MYO18B: variants seen among roughly 807,000 people sequenced by gnomAD.
The protein encoded by MYO18B is myosin XVIIIB.
In MYO18B, 204 loss-of-function variants were observed where a neutral mutation model predicts 273.0. That is an observed-to-expected ratio of 0.75 (90% CI 0.67 to 0.84). The LOEUF (loss-of-function observed/expected upper bound fraction) is 0.84, where lower values mean the gene tolerates loss of function less well. MYO18B is among the 40% of genes least tolerant of loss of function. The pLI, the probability that MYO18B is intolerant of heterozygous loss-of-function variation, is 0.00. For synonymous variants in MYO18B, 1,330 were observed against 1,305.7 expected (o/e 1.02, Z -0.40); for missense variants, 3,212 against 3,287.6 (o/e 0.98, Z 0.56).
intron 28 of MYO18B, chr22:25,897,595 A>G (rs1280785126): frequency 1.3e-5 from 2 of 152,252 alleles, no homozygotes; most frequent in Admixed American, 6.5e-5. Context: ...GCAGCAGAAT[A>G]TAAGAGAACA....
chr22:25,839,431 G>T (rs2145975083), intron 17 of MYO18B, among the ~76,000 whole-genome samples: 2 of 152,302 alleles, frequency 1.3e-5, no homozygotes, highest in South Asian at 4.1e-4. Context: ...CACACAGGCT[G>T]GGGTGTGAGA....
chr22:25,839,002 GTA>G (rs1002693905), intron 17 of MYO18B, among the ~76,000 whole-genome samples: 4 of 151,722 alleles, frequency 2.6e-5, no homozygotes, highest in African/African-American at 7.3e-5. Context: ...GTGCCTGTGT[GTA>G]TATGTGTGTG....
At chr22:26,004,511 C>G (rs1249020221) in intron 41 of MYO18B, among the ~76,000 whole-genome samples, 1 of 152,186 alleles carries the variant, frequency 6.6e-6, no homozygotes, top group Non-Finnish European at 1.5e-5. Flanking sequence ...GTGACCTTGG[C>G]CAAGACCCAA....
intron 43 of MYO18B, among the ~76,000 whole-genome samples, chr22:26,028,978 C>A (rs1036592673): frequency 2.0e-5 from 3 of 151,940 alleles, no homozygotes; most frequent in Non-Finnish European, 2.9e-5. Flanking sequence ...CTCCTGATAT[C>A]CCCAAGCAGT....
chr22:25,911,902 G>T (rs1459165018), intron 33 of MYO18B, among the ~76,000 whole-genome samples: 1 of 152,180 alleles, frequency 6.6e-6, no homozygotes, highest in Non-Finnish European at 1.5e-5. Flanking sequence ...TGCTGCTGCT[G>T]CATGAAATCC....
intron 39 of MYO18B, among the ~76,000 whole-genome samples, chr22:25,982,683 A>G (rs991490226): frequency 5.3e-5 from 8 of 151,538 alleles, no homozygotes; most frequent in African/African-American, 1.9e-4. Context: ...TTTCTCCCCC[A>G]CTGACCCCCT....
In MYO18B at chr22:25,828,912, C is replaced by T. The variant is rs2089598122; in HGVS notation, c.2923C>T (p.Leu975=). The part of the protein sequence containing the change: ...ELCHNYAHER[L]QLLFYQRTFV... ...GTGCCACAACTACGCCCATGAGCGC[C>T]TGCAGCTGCTGTTCTACCAGCGGAC... Residue 975 remains leucine, a synonymous_variant, in exon 15 of 44, where the codon CTG becomes TTG. Coordinates refer to ENST00000335473, the MANE Select transcript of MYO18B (RefSeq NM_032608.7). 1.9e-6 allele frequency: 3 copies of T among 1,614,040 alleles called. No individual in the cohort carries two copies. Among genetic ancestry groups the T allele is most frequent in the Non-Finnish European group, 2.5e-6 (3 of 1,179,898 alleles).
Position 26,027,329 on chromosome 22 carries a change from A to G in MYO18B, c.7355A>G (p.Gln2452Arg), listed in dbSNP as rs1936331831. The G allele has an allele frequency of 1.2e-6, 2 of 1,613,896 alleles. No homozygotes were observed. The highest frequency in any genetic ancestry group is 1.7e-6 in the Non-Finnish European group (2 of 1,179,882). ...TTCCTCCCAGCTATCCGGAAGCCCC[A>G]GACACCTACCTCCTTGGCTGGATCA... ...DDFLPAIRKP[Q>R]TPTSLAGSAK... Residue 2452 changes from glutamine (Q) to arginine (R), a missense_variant, in exon 43 of 44, where the codon CAG becomes CGG. Coordinates refer to ENST00000335473, the MANE Select transcript of MYO18B (RefSeq NM_032608.7). This position sits in a 1 kb window ranked among gnomAD's most constrained non-coding sequence, Gnocchi z 4.1.
At chr22:25,843,938 C>A in intron 18 of MYO18B, 44 bp downstream of exon 18, 3 of 1,569,538 alleles carry the variant, frequency 1.9e-6, no homozygotes, top group East Asian at 2.3e-5. Flanking sequence ...GCATTGGAGG[C>A]ACTGTGTTTT....
chr22:25,799,357 C>T (rs921978643), intron 12 of MYO18B, among the ~76,000 whole-genome samples: 8 of 152,190 alleles, frequency 5.3e-5, no homozygotes, highest in East Asian at 3.9e-4. Context: ...CACCTCCTCA[C>T]CTCAAAAGCT....
intron 31 of MYO18B, among the ~76,000 whole-genome samples, chr22:25,904,414 T>A (rs1193943065): frequency 2.0e-5 from 3 of 152,314 alleles, no homozygotes; most frequent in Non-Finnish European, 4.4e-5. Flanking sequence ...GATCTTAGTA[T>A]TATCCCCACT....
At chr22:25,955,973 A>G (rs57416037) in intron 39 of MYO18B, among the ~76,000 whole-genome samples, 4,592 of 152,284 alleles carry the variant, frequency 0.03, 206 homozygotes, top group African/African-American at 0.1. Context: ...TCTGAAGGAA[A>G]CATTTCTCGT....
intron 12 of MYO18B, among the ~76,000 whole-genome samples, chr22:25,815,160 G>A (rs1021815896): frequency 3.3e-5 from 5 of 152,232 alleles, no homozygotes; most frequent in Non-Finnish European, 1.5e-5. Context: ...CCAGGAAATA[G>A]CTTTAAAGGG....
At chr22:25,866,780 G>A (rs867293032) in intron 21 of MYO18B, among the ~76,000 whole-genome samples, 11 of 102,414 alleles carry the variant, frequency 1.1e-4, no homozygotes, top group East Asian at 3.0e-4. Context: ...GCGAGACTCC[G>A]TCTCAAAAAA....
chr22:25,984,448 T>C (rs1455854451), intron 39 of MYO18B, among the ~76,000 whole-genome samples: 1 of 152,182 alleles, frequency 6.6e-6, no homozygotes, highest in Non-Finnish European at 1.5e-5. Context: ...TATAAATATC[T>C]TCTTTGAGGA....
intron 21 of MYO18B, among the ~76,000 whole-genome samples, chr22:25,857,913 A>G (rs1334218686): frequency 1.3e-5 from 2 of 152,266 alleles, no homozygotes; most frequent in African/African-American, 4.8e-5. Context: ...TTGGTCTACC[A>G]AAGTGATGGG....
Position 25,947,489 on chromosome 22 carries a change from C to CACACACAG in MYO18B, c.5632-216_5632-215insGACACACA, listed in dbSNP as rs1290309621. The stretch of plus-strand genomic sequence containing the variant: ...TCATAGTCACATGTAATGCCTAATA[C>CACACACAG]ACACACACACACACACACACACACA... On this transcript the variant is annotated intron_variant, in intron 35 of 43. Transcript: ENST00000335473. 5.7e-3 allele frequency among the ~76,000 whole-genome samples: 270 copies of CACACACAG among 47,368 alleles called. 2 individuals carry two copies. Among genetic ancestry groups the CACACACAG allele is most frequent in the African/African-American group, 0.024 (257 of 10,792 alleles). The allele number at this position is 47,368 out of a possible 152,430, so 31.1% of individuals were successfully genotyped here.
chr22:25,765,944 C>T (rs192507783), intron 3 of MYO18B, among the ~76,000 whole-genome samples: 227 of 152,290 alleles, frequency 1.5e-3, no homozygotes, highest in African/African-American at 4.9e-3. Context: ...TCCTGCCTTC[C>T]CCCAGAAGGT....
At chr22:25,908,662 G>A (rs2092096940) in intron 32 of MYO18B, among the ~76,000 whole-genome samples, 2 of 152,184 alleles carry the variant, frequency 1.3e-5, no homozygotes, top group African/African-American at 2.4e-5. Flanking sequence ...CCAGCATAAT[G>A]GCTCAGAGAT....
Sources: allele counts gnomAD v4.1 joint callset (sites outside exome capture counted in the v4.1 genomes callset), GRCh38; gene constraint gnomAD v4.1.1; non-coding constraint Gnocchi (gnomAD v3.1); transcripts MANE v1.5; gene names NCBI Gene and HGNC (gene_info 2026-07-23, HGNC 2026-07-21).